Variants in RNF141 observed in about 807,000 individuals in gnomAD.
The protein encoded by RNF141 is ring finger protein 141.
RNF141 carries 18 observed loss-of-function variants against 27.4 expected under a neutral mutation model. The observed-to-expected ratio is 0.66, with a 90% CI of 0.45 to 0.97. The LOEUF (loss-of-function observed/expected upper bound fraction) is 0.97. RNF141 is among the 50% of genes least tolerant of loss of function. RNF141 has a pLI of 0.00. For synonymous variants in RNF141, 97 were observed against 96.6 expected, an observed-to-expected ratio of 1.00 and a Z score of -0.02; for missense variants, 230 against 279.4, an observed-to-expected ratio of 0.82 and a Z score of 1.26.
intron 1 of RNF141, among the ~76,000 whole-genome samples, chr11:10,534,483 C>A (rs1277503325): frequency 6.6e-6 from 1 of 151,308 alleles, no homozygotes; most frequent in Non-Finnish European, 1.5e-5. Context: ...TGTGTACACA[C>A]ACACACACAC....
chr11:10,536,978 T>C (rs4909941), intron 1 of RNF141, among the ~76,000 whole-genome samples: 28,644 of 151,718 alleles, frequency 0.19, 3,456 homozygotes, highest in African/African-American at 0.33. Context: ...TTCATGGGCA[T>C]AGAAAAAAAA....
chr11:10,520,544 A>G (rs1024803537), intron 4 of RNF141, among the ~76,000 whole-genome samples: 7 of 152,212 alleles, frequency 4.6e-5, no homozygotes, highest in East Asian at 3.8e-4. Flanking sequence ...TACCTGCTGA[A>G]GGGCCTGCCT....
intron 1 of RNF141, 34 bp from the exon 2 acceptor site, chr11:10,534,239 TTA>T: frequency 2.0e-6 from 3 of 1,487,092 alleles, no homozygotes; most frequent in Non-Finnish European, 2.7e-6. Context: ...CTTTTACATA[TTA>T]TACAAAAACG....
At chr11:10,532,379 T>A (rs779845973) in intron 2 of RNF141, among the ~76,000 whole-genome samples, 10 of 151,976 alleles carry the variant, frequency 6.6e-5, no homozygotes, top group Non-Finnish European at 1.3e-4. Flanking sequence ...ATGACTATAT[T>A]TTTATCATAA....
chr11:10,524,868 T>C (rs1478078074), intron 4 of RNF141, among the ~76,000 whole-genome samples: 1 of 152,216 alleles, frequency 6.6e-6, no homozygotes, highest in Non-Finnish European at 1.5e-5. Flanking sequence ...TAAAAAGCTT[T>C]GACTGTCTAA....
At chr11:10,533,813 A>G (rs1418759872) in intron 2 of RNF141, among the ~76,000 whole-genome samples, 5 of 152,104 alleles carry the variant, frequency 3.3e-5, no homozygotes, top group South Asian at 4.1e-4. Context: ...AGTTCTTTCC[A>G]TATCTTCTGT....
chr11:10,515,885 G>C (rs934173910), intron 5 of RNF141: 1 of 152,036 alleles, frequency 6.6e-6, no homozygotes, highest in Non-Finnish European at 1.5e-5. Context: ...TTCTGGCAGG[G>C]GAAGAACTCA....
chr11:10,536,964 C>A (rs1021972830), intron 1 of RNF141, among the ~76,000 whole-genome samples: 1 of 151,958 alleles, frequency 6.6e-6, no homozygotes, highest in African/African-American at 2.4e-5. Context: ...TAAATTAGAA[C>A]ATATTCATGG....
chr11:10,515,322 A>G (rs1025565997), intron 5 of RNF141: 9 of 398,530 alleles, frequency 2.3e-5, no homozygotes, highest in African/African-American at 1.2e-4. Context: ...ACGCACGTGC[A>G]CACACACATT....
intron 2 of RNF141, among the ~76,000 whole-genome samples, chr11:10,533,324 A>C (rs1850005021): frequency 6.6e-6 from 1 of 152,152 alleles, no homozygotes; most frequent in Non-Finnish European, 1.5e-5. Flanking sequence ...TAAATAAATT[A>C]ACAAATAGAA....
At chr11:10,527,963 G>A (rs1849952526) in intron 3 of RNF141, among the ~76,000 whole-genome samples, 1 of 152,126 alleles carries the variant, frequency 6.6e-6, no homozygotes, top group Non-Finnish European at 1.5e-5. Context: ...ACTCTAAGAA[G>A]TTGGTCTAAG....
chr11:10,533,840 T>G lies in RNF141; in HGVS notation c.143+176A>C, dbSNP rs568412718. On this transcript the variant is annotated intron_variant, in intron 2 of 5. Coordinates refer to ENST00000265981, the MANE Select transcript of RNF141 (RefSeq NM_016422.4). ...ATCTTCTGTCCCCATTACATACTTT[T>G]AAAAAGCTACATAGAAAGTCAACTT... Among the ~76,000 whole-genome samples, 461 of 152,266 alleles carry G rather than the reference T, an allele frequency of 3.0e-3. 2 individuals are homozygous for G. The highest frequency in any genetic ancestry group is 5.8e-3 in the Non-Finnish European group (395 of 67,986).
chr11:10,527,061 A>T (rs956324016), intron 3 of RNF141, among the ~76,000 whole-genome samples: 1 of 152,240 alleles, frequency 6.6e-6, no homozygotes, highest in Non-Finnish European at 1.5e-5. Context: ...TAATCCATAT[A>T]AGGTCAGTAC....
In RNF141 at chr11:10,511,945, G is replaced by T. The variant is rs931287750; in HGVS notation, c.*2971C>A. The T allele has an allele frequency of 6.4e-4, 98 of 152,564 alleles. No individual in the cohort carries two copies. The highest frequency in any genetic ancestry group is 1.0e-4 in the Non-Finnish European group (7 of 68,028). The allele number at this position is 152,564 out of a possible 1,614,324, so 9.5% of individuals were successfully genotyped here. ...CAATTAGCTAAAATCACTTGCGAAA[G>T]ATTATTTATTGCACAATTTATCAGT... On this transcript the variant is annotated 3_prime_UTR_variant, in exon 6 of 6. Transcript: ENST00000265981.
intron 5 of RNF141, chr11:10,518,261 AACCAAAATAC>A: frequency 6.6e-6 from 1 of 152,304 alleles, no homozygotes; most frequent in East Asian, 1.9e-4. Flanking sequence ...CCAAGAAAAA[AACCAAAATAC>A]ATCCATAAAA....
At chr11:10,536,804 G>T (rs1260115527) in intron 1 of RNF141, among the ~76,000 whole-genome samples, 1 of 152,162 alleles carries the variant, frequency 6.6e-6, no homozygotes, top group African/African-American at 2.4e-5. Context: ...AGTATAACGG[G>T]GGCAACAAGT....
At chr11:10,518,167 G>T (rs1849857524) in intron 5 of RNF141, among the ~76,000 whole-genome samples, 1 of 152,078 alleles carries the variant, frequency 6.6e-6, no homozygotes, top group African/African-American at 2.4e-5. Context: ...GCACAAGACT[G>T]CTTTGGAAAA....
intron 1 of RNF141, among the ~76,000 whole-genome samples, chr11:10,537,539 C>G (rs1204168746): frequency 6.6e-6 from 1 of 152,148 alleles, no homozygotes; most frequent in Non-Finnish European, 1.5e-5. Flanking sequence ...TTCTCTCCCT[C>G]TGCTCTCTGA....
At chr11:10,524,333 T>C (rs1841811) in intron 4 of RNF141, among the ~76,000 whole-genome samples, 98,358 of 151,874 alleles carry the variant, frequency 0.65, 32,112 homozygotes, top group East Asian at 0.85. Context: ...GAGAATGGCG[T>C]GAACCCGGGA....
Sources: gnomAD v4.1 joint callset for allele counts (sites outside exome capture counted in the v4.1 genomes callset) on GRCh38, gnomAD v4.1.1 for gene constraint, MANE v1.5 for transcripts, NCBI Gene and HGNC (gene_info 2026-07-23, HGNC 2026-07-21) for gene names.